TRAK1: variants seen among roughly 807,000 people sequenced by gnomAD.
TRAK1 encodes trafficking kinesin-binding protein 1.
TRAK1 carries 33 observed loss-of-function variants against 92.1 expected under a neutral mutation model. That is an observed-to-expected ratio of 0.36 (90% CI 0.27 to 0.48). The LOEUF (loss-of-function observed/expected upper bound fraction) is 0.48, where lower values mean the gene tolerates loss of function less well. Ranked by LOEUF, TRAK1 falls within the 20% of genes least tolerant of loss-of-function variation. TRAK1 has a pLI of 0.99. For missense variants in TRAK1, 1,123 were observed against 1,257.9 expected, an observed-to-expected ratio of 0.89 and a Z score of 1.62; for synonymous variants, 521 against 517.3, an observed-to-expected ratio of 1.01 and a Z score of -0.10.
intron 2 of TRAK1, among the ~76,000 whole-genome samples, chr3:42,153,412 A>G (rs530463651): frequency 6.6e-6 from 1 of 152,250 alleles, no homozygotes; most frequent in African/African-American, 2.4e-5. Flanking sequence ...AAATAAAAAA[A>G]AAAGGAATGG....
intron 1 of TRAK1, among the ~76,000 whole-genome samples, chr3:42,094,421 G>C (rs1237253567): frequency 1.3e-5 from 2 of 152,178 alleles, no homozygotes; most frequent in Admixed American, 6.5e-5. Context: ...ACATAGGCTG[G>C]AGTGCAGTGG....
intron 1 of TRAK1, among the ~76,000 whole-genome samples, chr3:42,112,562 G>A (rs1708580135): frequency 1.3e-5 from 2 of 151,338 alleles, no homozygotes; most frequent in South Asian, 2.1e-4. Context: ...TGGCAAAACT[G>A]TGTCTCTACT....
chr3:42,199,031 G>A, intron 10 of TRAK1, 146 bp from the exon 11 acceptor site: 2 of 754,218 alleles, frequency 2.7e-6, no homozygotes, highest in Non-Finnish European at 2.2e-6. Flanking sequence ...ACAACAGAGA[G>A]TGCTGTTAAG....
intron 3 of TRAK1, among the ~76,000 whole-genome samples, chr3:42,178,407 C>T (rs371380440): frequency 1.3e-5 from 2 of 152,080 alleles, no homozygotes; most frequent in Non-Finnish European, 2.9e-5. Context: ...GGACATGGCT[C>T]CTGCTCTCCC....
intron 2 of TRAK1, among the ~76,000 whole-genome samples, chr3:42,170,983 C>T (rs1299654068): frequency 6.6e-6 from 1 of 151,992 alleles, no homozygotes; most frequent in Non-Finnish European, 1.5e-5. Flanking sequence ...GCCACCACAC[C>T]CTGCTAATTT....
intron 2 of TRAK1, among the ~76,000 whole-genome samples, chr3:42,129,345 C>T (rs1696892529): frequency 1.3e-5 from 2 of 152,014 alleles, no homozygotes; most frequent in South Asian, 4.2e-4. Context: ...GATACGCTCC[C>T]CTACGTGAGA....
At chr3:42,041,826 G>A (rs1388888522) in intron 1 of TRAK1, among the ~76,000 whole-genome samples, 2 of 146,624 alleles carry the variant, frequency 1.4e-5, no homozygotes, top group African/African-American at 5.1e-5. Context: ...ACGGAGTCTC[G>A]CTCTGCCGCC....
At position 42,023,175 on chromosome 3, in the gene TRAK1, C is replaced by A. The variant is rs375129871; in HGVS notation, c.-519+9058C>A. On this transcript the variant is annotated intron_variant, in intron 1 of 16. Coordinates refer to the TRAK1 transcript ENST00000487159. ...TGCATCTCAAAAAAAAAAAAAAAAA[C>A]AACAAAAAGAAAATAAATATTCCTG... Among the ~76,000 whole-genome samples, 314 of 95,820 alleles carry A rather than the reference C, an allele frequency of 3.3e-3. 1 individual carries two copies. The highest frequency in any genetic ancestry group is 6.8e-3 in the African/African-American group (178 of 26,106). 62.9% of individuals were successfully genotyped at this position (95,820 alleles called of 152,430 possible).
chr3:42,211,636 AAAG>A, intron 14 of TRAK1: 1 of 985,420 alleles, frequency 1.0e-6, no homozygotes, highest in Non-Finnish European at 1.2e-6. Flanking sequence ...CTGGAAGTGC[AAAG>A]AAGCACCATT....
At chr3:42,076,833 C>T (rs951300951) in intron 1 of TRAK1, among the ~76,000 whole-genome samples, 10 of 152,046 alleles carry the variant, frequency 6.6e-5, no homozygotes, top group African/African-American at 2.2e-4. Flanking sequence ...GGGTCTAGTT[C>T]CAATCTTCTG....
chr3:42,131,951 C>T (rs1456910445), intron 2 of TRAK1, among the ~76,000 whole-genome samples: 1 of 149,630 alleles, frequency 6.7e-6, no homozygotes, highest in Admixed American at 6.7e-5. Context: ...ACCTTGTAGT[C>T]CCAGCTACTC....
At chr3:42,071,210 G>A (rs561230276) in intron 1 of TRAK1, among the ~76,000 whole-genome samples, 7 of 152,180 alleles carry the variant, frequency 4.6e-5, no homozygotes, top group Non-Finnish European at 8.8e-5. Context: ...CAGGACCTAA[G>A]GAGGAATCAC....
At chr3:42,105,813 C>T (rs534679648) in intron 1 of TRAK1, among the ~76,000 whole-genome samples, 7 of 152,318 alleles carry the variant, frequency 4.6e-5, no homozygotes, top group Middle Eastern at 3.4e-3. Context: ...AGACTAACAG[C>T]AGATCTCTCA....
At chr3:42,147,347 G>A (rs1699444184) in intron 2 of TRAK1, among the ~76,000 whole-genome samples, 2 of 152,154 alleles carry the variant, frequency 1.3e-5, no homozygotes, top group Non-Finnish European at 2.9e-5. Flanking sequence ...TGTGCAGTTT[G>A]GTTGGGAGTG....
At chr3:42,038,604 G>A (rs112432350) in intron 1 of TRAK1, among the ~76,000 whole-genome samples, 11,196 of 151,912 alleles carry the variant, frequency 0.074, 473 homozygotes, top group Middle Eastern at 0.21. Context: ...TGGCCAACAT[G>A]GTGAAATCCC....
At chr3:42,042,839 C>G (rs1047169332) in intron 1 of TRAK1, among the ~76,000 whole-genome samples, 2 of 152,020 alleles carry the variant, frequency 1.3e-5, no homozygotes, top group African/African-American at 4.8e-5. Flanking sequence ...CTCTCTGGGG[C>G]GGGTCATCTG....
At chr3:42,186,523 C>T (rs949238785) in intron 4 of TRAK1, among the ~76,000 whole-genome samples, 2 of 152,188 alleles carry the variant, frequency 1.3e-5, no homozygotes, top group African/African-American at 4.8e-5. Flanking sequence ...TAAAGTGATT[C>T]GTGCATTCCC....
chr3:42,025,878 A>C (rs1264402060), intron 1 of TRAK1, among the ~76,000 whole-genome samples: 1 of 152,196 alleles, frequency 6.6e-6, no homozygotes, highest in African/African-American at 2.4e-5. Flanking sequence ...CACATATGGC[A>C]TGATACTGTA....
chr3:42,042,347 A>T lies in TRAK1; in HGVS notation c.-519+28230A>T, dbSNP rs137932218. The stretch of plus-strand genomic sequence containing the variant: ...CCTTTTATTAATATGGTATATCATA[A>T]ATGATTTTTAGATTATTATTATTTT... On this transcript the variant is annotated intron_variant, in intron 1 of 16. Transcript: ENST00000487159. Among the ~76,000 whole-genome samples, 605 of 152,130 alleles carry T rather than the reference A, an allele frequency of 4.0e-3. 5 individuals carry two copies. Among genetic ancestry groups the T allele is most frequent in the Non-Finnish European group, 5.4e-3 (369 of 67,994 alleles).
Sources: gnomAD v4.1 joint callset for allele counts (sites outside exome capture counted in the v4.1 genomes callset) on GRCh38, gnomAD v4.1.1 for gene constraint, MANE v1.5 for transcripts, NCBI Gene and HGNC (gene_info 2026-07-23, HGNC 2026-07-21) for gene names.